Variants in ATAD2B observed in about 807,000 individuals in gnomAD.
ATAD2B encodes the protein ATPase family AAA domain-containing protein 2B.
ATAD2B carries 40 observed loss-of-function variants against 167.6 expected under a neutral mutation model. The ratio of observed to expected loss-of-function variants is 0.24; its 90% CI spans 0.19 to 0.31. The LOEUF (loss-of-function observed/expected upper bound fraction) is 0.31, where lower values mean the gene tolerates loss of function less well. ATAD2B is among the 10% of genes least tolerant of loss of function. The pLI, the probability that ATAD2B is intolerant of heterozygous loss-of-function variation, is 1.00. For missense variants in ATAD2B, 1,242 were observed against 1,757.2 expected (o/e 0.71, Z 5.24); for synonymous variants, 579 against 596.5 (o/e 0.97, Z 0.43).
intron 11 of ATAD2B, among the ~76,000 whole-genome samples, chr2:23,864,405 C>T (rs1694860152): frequency 6.6e-6 from 1 of 152,154 alleles, no homozygotes; most frequent in South Asian, 2.1e-4. Flanking sequence ...TCTGTTCCTA[C>T]AAATAAATTA....
At chr2:23,878,118 T>C (rs573178371) in intron 7 of ATAD2B, among the ~76,000 whole-genome samples, 3 of 151,632 alleles carry the variant, frequency 2.0e-5, no homozygotes, top group South Asian at 2.1e-4. Context: ...CCCAGCACTT[T>C]AGGAGGCCAA....
intron 22 of ATAD2B, among the ~76,000 whole-genome samples, chr2:23,775,688 T>C (rs1014139382): frequency 1.3e-5 from 2 of 152,162 alleles, no homozygotes; most frequent in Admixed American, 1.3e-4. Flanking sequence ...GACTGGGACT[T>C]ACACTGGGCA....
intron 13 of ATAD2B, among the ~76,000 whole-genome samples, chr2:23,857,053 TAA>T (rs112016144): frequency 1.1e-3 from 156 of 141,986 alleles, no homozygotes; most frequent in African/African-American, 3.7e-3. Context: ...TAAAATAAAT[TAA>T]AAAAAAAAAA....
chr2:23,801,797 G>A (rs1251920478), intron 18 of ATAD2B, among the ~76,000 whole-genome samples: 1 of 151,958 alleles, frequency 6.6e-6, no homozygotes, highest in Non-Finnish European at 1.5e-5. Context: ...GGCCATTGAA[G>A]TTAGAAGTAT....
At chr2:23,891,022 T>G (rs1444299675) in intron 2 of ATAD2B, among the ~76,000 whole-genome samples, 1 of 46,162 alleles carries the variant, frequency 2.2e-5, no homozygotes, top group Non-Finnish European at 5.1e-5. Flanking sequence ...ATACTGAGAT[T>G]TTTTTTTTTT....
chr2:23,743,651 G>A, the ATAD2B span, among the ~76,000 whole-genome samples: 2 of 151,794 alleles, frequency 1.3e-5, no homozygotes, highest in Admixed American at 1.3e-4. Flanking sequence ...TTTGAGACAG[G>A]GTGTCACTCT....
chr2:23,844,376 CA>C (rs1261685605), intron 13 of ATAD2B, among the ~76,000 whole-genome samples: 1 of 149,356 alleles, frequency 6.7e-6, no homozygotes, highest in African/African-American at 2.4e-5. Context: ...TAGCACTCAA[CA>C]AGGTAAAAGT....
the ATAD2B span, chr2:23,706,414 G>T: frequency 7.8e-7 from 1 of 1,284,392 alleles, no homozygotes; most frequent in South Asian, 1.8e-5. Flanking sequence ...ACACGACGTT[G>T]AGAACCTATC....
the ATAD2B span, among the ~76,000 whole-genome samples, chr2:23,741,334 G>C: frequency 3.9e-5 from 6 of 152,168 alleles, no homozygotes; most frequent in Non-Finnish European, 8.8e-5. Flanking sequence ...AAAACAGCAT[G>C]GTACTGGTAC....
At chr2:23,791,480 T>C (rs1478644765) in intron 19 of ATAD2B, among the ~76,000 whole-genome samples, 2 of 152,150 alleles carry the variant, frequency 1.3e-5, no homozygotes, top group Non-Finnish European at 2.9e-5. Context: ...TTTTTTTTTT[T>C]TTTGCAGCTT....
chr2:23,772,695 T>A (rs371899679), intron 22 of ATAD2B, among the ~76,000 whole-genome samples: 3 of 150,960 alleles, frequency 2.0e-5, no homozygotes, highest in Admixed American at 1.3e-4. Flanking sequence ...TATATTCTTT[T>A]AAAAAAATCT....
intron 18 of ATAD2B, among the ~76,000 whole-genome samples, chr2:23,806,456 C>T (rs1262754673): frequency 6.6e-6 from 1 of 152,164 alleles, no homozygotes; most frequent in East Asian, 1.9e-4. Context: ...CACAGGCATA[C>T]TTTCTTTATT....
At chr2:23,684,494 G>A in the ATAD2B span, 3 of 1,551,106 alleles carry the variant, frequency 1.9e-6, no homozygotes, top group Non-Finnish European at 2.6e-6. This position sits in a 1 kb window ranked among gnomAD's most constrained non-coding sequence, Gnocchi z 4.4. Context: ...CCACCAAAAT[G>A]TTCTAGCTTC....
chr2:23,879,777 G>A (rs533145094), intron 7 of ATAD2B, among the ~76,000 whole-genome samples: 20 of 152,236 alleles, frequency 1.3e-4, no homozygotes, highest in African/African-American at 4.1e-4. Context: ...TCCCTAGGCC[G>A]TGCACAGTGG....
intron 22 of ATAD2B, among the ~76,000 whole-genome samples, chr2:23,775,348 G>T (rs1489283477): frequency 6.6e-6 from 1 of 151,664 alleles, no homozygotes; most frequent in East Asian, 1.9e-4. Flanking sequence ...CAAGTAGCTG[G>T]GAATACAGGC....
intron 6 of ATAD2B, among the ~76,000 whole-genome samples, chr2:23,883,097 T>C (rs1043799769): frequency 4.0e-5 from 6 of 151,372 alleles, no homozygotes; most frequent in Non-Finnish European, 8.8e-5. Context: ...AACAAACATA[T>C]TGAGACCCCA....
chr2:23,765,368 T>G (rs1677270084), intron 23 of ATAD2B, 138 bp downstream of exon 23: 10 of 700,766 alleles, frequency 1.4e-5, no homozygotes, highest in Non-Finnish European at 2.0e-5. Flanking sequence ...ACATAACACA[T>G]TAGTATCAGA....
At chr2:23,925,081 CTTAAA>C (rs1204350677) in intron 1 of ATAD2B, among the ~76,000 whole-genome samples, 2 of 152,162 alleles carry the variant, frequency 1.3e-5, no homozygotes, top group African/African-American at 2.4e-5. Flanking sequence ...AAGATCTTTT[CTTAAA>C]TTGAGTTTTA....
At position 23,905,463 on chromosome 2, in the gene ATAD2B, G is replaced by A. The variant is rs576815922; in HGVS notation, c.217-9493C>T. Among the ~76,000 whole-genome samples, 25 of 152,274 alleles carry A rather than the reference G, an allele frequency of 1.6e-4. No homozygotes were observed. The South Asian group carries it at 4.6e-3, about 28-fold the overall frequency. On this transcript the variant is annotated intron_variant, in intron 1 of 27. Coordinates refer to ENST00000238789, the MANE Select transcript of ATAD2B (RefSeq NM_017552.4). ...CGCTTGAGCCAGGGAGGTCCAGGCT[G>A]CAGTGAGCCATGATTACACCACTGC...
Sources: allele counts gnomAD v4.1 joint callset (sites outside exome capture counted in the v4.1 genomes callset), GRCh38; gene constraint gnomAD v4.1.1; non-coding constraint Gnocchi (gnomAD v3.1); transcripts MANE v1.5; gene names NCBI Gene and HGNC (gene_info 2026-07-23, HGNC 2026-07-21).